Variants in TENT5D observed in about 807,000 individuals in gnomAD.
The protein encoded by TENT5D is cancer/testis antigen 112.
For synonymous variants in TENT5D, 103 were observed against 100.6 expected, an observed-to-expected ratio of 1.02 and a Z score of -0.15; for missense variants, 191 against 287.0, an observed-to-expected ratio of 0.67 and a Z score of 2.42.
intron 3 of TENT5D, among the ~76,000 whole-genome samples, chrX:80,347,895 A>G (rs1930098885): frequency 8.9e-6 from 1 of 112,043 alleles, no homozygotes; most frequent in Non-Finnish European, 1.9e-5. Flanking sequence ...GCATGTGGCT[A>G]GCCAGTTTTC....
At chrX:80,390,720 G>T in intron 3 of TENT5D, among the ~76,000 whole-genome samples, 1 of 110,969 alleles carries the variant, frequency 9.0e-6, no homozygotes, top group African/African-American at 3.3e-5. Flanking sequence ...TGATAATGGA[G>T]GAATCGCAGT....
chrX:80,435,609 C>G (rs776503563), intron 1 of TENT5D, among the ~76,000 whole-genome samples: 107 of 112,305 alleles, frequency 9.5e-4, no homozygotes, highest in South Asian at 5.2e-3. Context: ...CCCAAGGTAT[C>G]TATTTTGAAC....
intron 3 of TENT5D, among the ~76,000 whole-genome samples, chrX:80,375,250 C>G (rs1453470185): frequency 1.8e-5 from 2 of 111,489 alleles, no homozygotes; most frequent in Admixed American, 1.9e-4. Flanking sequence ...CATACTCATT[C>G]TCTCTGTTCT....
intron 3 of TENT5D, among the ~76,000 whole-genome samples, chrX:80,394,340 C>T (rs1264793687): frequency 6.5e-5 from 6 of 92,970 alleles, no homozygotes; most frequent in Admixed American, 3.6e-4. Context: ...TTCATGTATT[C>T]GTTGGCCATT....
At chrX:80,344,931 A>C (rs889554345) in intron 3 of TENT5D, among the ~76,000 whole-genome samples, 2 of 111,692 alleles carry the variant, frequency 1.8e-5, no homozygotes, top group Non-Finnish European at 1.9e-5. Flanking sequence ...TTCATAGCAC[A>C]AACTCAATGT....
intron 3 of TENT5D, among the ~76,000 whole-genome samples, chrX:80,384,810 G>A (rs1930956751): frequency 9.2e-6 from 1 of 108,261 alleles, no homozygotes; most frequent in Non-Finnish European, 1.9e-5. Context: ...AATCATGAGT[G>A]AACTCCCATT....
intron 3 of TENT5D, among the ~76,000 whole-genome samples, chrX:80,408,180 C>T (rs1373103425): frequency 2.8e-5 from 3 of 106,818 alleles, no homozygotes; most frequent in Non-Finnish European, 5.8e-5. Context: ...CCTAACATCA[C>T]AATTAAAAGA....
chrX:80,412,016 A>G (rs775728540), intron 3 of TENT5D, among the ~76,000 whole-genome samples: 1 of 112,459 alleles, frequency 8.9e-6, no homozygotes, highest in South Asian at 3.7e-4. Flanking sequence ...CCCCTGGAGC[A>G]AACTTTTGCC....
intron 3 of TENT5D, among the ~76,000 whole-genome samples, chrX:80,393,085 T>A (rs1178661383): frequency 9.1e-6 from 1 of 109,786 alleles, no homozygotes; most frequent in East Asian, 2.9e-4. Context: ...TTTTTTATAT[T>A]CTTTGTGAAT....
At chrX:80,367,358 G>T (rs1456458016) in intron 3 of TENT5D, among the ~76,000 whole-genome samples, 2 of 111,528 alleles carry the variant, frequency 1.8e-5, no homozygotes, top group East Asian at 2.8e-4. Flanking sequence ...GCTTGATGAT[G>T]GTGTAGAGAA....
chrX:80,374,512 AT>A (rs1199173045), intron 3 of TENT5D, among the ~76,000 whole-genome samples: 7 of 106,620 alleles, frequency 6.6e-5, no homozygotes, highest in Admixed American at 4.0e-4. Context: ...TTGTTTGGTG[AT>A]TTTTTTTTTA....
intron 3 of TENT5D, among the ~76,000 whole-genome samples, chrX:80,374,967 T>A (rs776363542): frequency 9.0e-6 from 1 of 111,458 alleles, no homozygotes; most frequent in Non-Finnish European, 1.9e-5. Flanking sequence ...ATTTTTGGAT[T>A]TTGGATGATC....
At chrX:80,395,245 A>G (rs999846810) in intron 3 of TENT5D, among the ~76,000 whole-genome samples, 1 of 112,063 alleles carries the variant, frequency 8.9e-6, no homozygotes, top group Non-Finnish European at 1.9e-5. Context: ...TATATGCTAC[A>G]TGTTTTTTAT....
At chrX:80,436,858 A>G (rs779644450) in intron 1 of TENT5D, among the ~76,000 whole-genome samples, 3 of 111,982 alleles carry the variant, frequency 2.7e-5, no homozygotes, top group African/African-American at 9.7e-5. Flanking sequence ...TAATTAGGCA[A>G]CTAAAGCACT....
intron 1 of TENT5D, among the ~76,000 whole-genome samples, chrX:80,434,784 G>GTTT (rs1289760773): frequency 1.1e-5 from 1 of 90,693 alleles, no homozygotes; most frequent in African/African-American, 4.0e-5. Context: ...TTTTTTCTTT[G>GTTT]TTTTTTTTTT....
chrX:80,413,023 A>G (rs990600461), intron 3 of TENT5D, among the ~76,000 whole-genome samples: 3 of 111,119 alleles, frequency 2.7e-5, no homozygotes, highest in Non-Finnish European at 5.7e-5. Flanking sequence ...ATTAAATTTT[A>G]TGTAAACAAA....
chrX:80,410,429 C>T (rs755049523), intron 3 of TENT5D, among the ~76,000 whole-genome samples: 164 of 80,536 alleles, frequency 2.0e-3, no homozygotes, highest in African/African-American at 7.4e-3. Context: ...AAAAAGTGGG[C>T]GAAGGACATG....
At chrX:80,339,983 A>G (rs762171501) in intron 2 of TENT5D, among the ~76,000 whole-genome samples, 1 of 110,102 alleles carries the variant, frequency 9.1e-6, no homozygotes, top group Admixed American at 9.7e-5. Context: ...AAACCTTTTC[A>G]AAACTTGAAT....
chrX:80,387,346 T>G (rs1931037113), intron 3 of TENT5D, among the ~76,000 whole-genome samples: 1 of 111,889 alleles, frequency 8.9e-6, no homozygotes, highest in African/African-American at 3.3e-5. Flanking sequence ...GTAGTCTTCA[T>G]CGTGTGGGCT....
Sources: allele counts gnomAD v4.1 joint callset (sites outside exome capture counted in the v4.1 genomes callset), GRCh38; gene constraint gnomAD v4.1.1; transcripts MANE v1.5; gene names NCBI Gene and HGNC (gene_info 2026-07-23, HGNC 2026-07-21).